Variants in DCC observed in about 807,000 individuals in gnomAD.
DCC encodes netrin receptor DCC.
In DCC, 58 loss-of-function variants were observed where a neutral mutation model predicts 172.5. The ratio of observed to expected loss-of-function variants is 0.34; its 90% CI spans 0.27 to 0.42. The LOEUF is 0.42. Ranked by LOEUF, DCC falls within the 10% of genes least tolerant of loss-of-function variation. DCC has a pLI of 1.00. For synonymous variants in DCC, 709 were observed against 644.5 expected (o/e 1.10, Z -1.52); for missense variants, 1,740 against 1,791.0 (o/e 0.97, Z 0.51).
At chr18:52,883,326 T>TTTTATTTA (rs1555677283) in intron 2 of DCC, among the ~76,000 whole-genome samples, 23 of 61,922 alleles carry the variant, frequency 3.7e-4, no homozygotes, top group African/African-American at 1.0e-3. Flanking sequence ...TTATTTTATT[T>TTTTATTTA]TTTATTTATT....
chr18:52,559,733 G>T (rs1347135864), intron 1 of DCC, among the ~76,000 whole-genome samples: 3 of 150,822 alleles, frequency 2.0e-5, no homozygotes, highest in Non-Finnish European at 4.4e-5. Context: ...CCCCAAATTT[G>T]ATTTATTTCC....
chr18:52,981,459 G>T (rs764887716), intron 5 of DCC, among the ~76,000 whole-genome samples: 1 of 151,990 alleles, frequency 6.6e-6, no homozygotes, highest in Non-Finnish European at 1.5e-5. Context: ...TGATGACAAT[G>T]AGTATCTTCT....
chr18:52,731,530 G>A (rs2036642341), intron 1 of DCC, among the ~76,000 whole-genome samples: 1 of 152,208 alleles, frequency 6.6e-6, no homozygotes, highest in African/African-American at 2.4e-5. Flanking sequence ...GGACAGGGAA[G>A]CCAAAGAGTA....
intron 2 of DCC, among the ~76,000 whole-genome samples, chr18:52,837,868 C>A (rs976793146): frequency 1.3e-5 from 2 of 152,170 alleles, no homozygotes; most frequent in Non-Finnish European, 2.9e-5. Context: ...CACAGTTCTG[C>A]AGGACTGGGG....
intron 7 of DCC, among the ~76,000 whole-genome samples, chr18:53,083,742 T>C (rs981008176): frequency 3.9e-5 from 6 of 152,268 alleles, no homozygotes; most frequent in African/African-American, 1.2e-4. Flanking sequence ...TGATTAAAAT[T>C]TGGGGGTTGT....
At chr18:52,896,471 C>T (rs2039731353) in intron 2 of DCC, among the ~76,000 whole-genome samples, 1 of 152,112 alleles carries the variant, frequency 6.6e-6, no homozygotes, top group Admixed American at 6.6e-5. Flanking sequence ...TATCTAGTAC[C>T]TTCTGTAAGA....
chr18:52,489,402 G>C (rs1053009672), intron 1 of DCC, among the ~76,000 whole-genome samples: 1 of 152,070 alleles, frequency 6.6e-6, no homozygotes, highest in Admixed American at 6.6e-5. Context: ...GTATGATTTT[G>C]ATAGTAAACC....
chr18:53,482,560 A>T (rs2145212626), intron 25 of DCC, among the ~76,000 whole-genome samples: 1 of 152,214 alleles, frequency 6.6e-6, no homozygotes, highest in East Asian at 1.9e-4. Flanking sequence ...TCCAAATCAG[A>T]AGATACGTAT....
intron 27 of DCC, among the ~76,000 whole-genome samples, chr18:53,511,895 G>A (rs1252439738): frequency 6.6e-6 from 1 of 152,126 alleles, no homozygotes; most frequent in Non-Finnish European, 1.5e-5. Context: ...GGGGAGGGGC[G>A]CCCGCCATTG....
chr18:52,480,509 C>T (rs2029915004), intron 1 of DCC, among the ~76,000 whole-genome samples: 1 of 152,120 alleles, frequency 6.6e-6, no homozygotes, highest in Admixed American at 6.5e-5. Context: ...ACAAGTGTCC[C>T]ACTGAGTTTG....
chr18:52,689,270 A>G lies in DCC; in HGVS notation c.92-62784A>G, dbSNP rs551452364. On this transcript the variant is annotated intron_variant, in intron 1 of 28. Transcript: ENST00000442544. Reference sequence around the variant, plus strand: ...TCATAATTAAGTGCTAATTTGCTGTAGAAATTCAGGGAAGCAGTAGGTTAT... The same window carrying G: ...TCATAATTAAGTGCTAATTTGCTGTGGAAATTCAGGGAAGCAGTAGGTTAT... Among the ~76,000 whole-genome samples the G allele has an allele frequency of 3.3e-5, 5 of 152,308 alleles. No homozygotes were observed. The South Asian group carries it at 1.0e-3, about 32-fold the overall frequency.
intron 2 of DCC, among the ~76,000 whole-genome samples, chr18:52,872,939 T>C (rs1444581488): frequency 6.6e-6 from 1 of 152,204 alleles, no homozygotes; most frequent in Non-Finnish European, 1.5e-5. Context: ...AAATAAGCTA[T>C]TACATTTTCA....
intron 1 of DCC, among the ~76,000 whole-genome samples, chr18:52,386,829 TC>T (rs1372002201): frequency 6.6e-6 from 1 of 152,088 alleles, no homozygotes; most frequent in Non-Finnish European, 1.5e-5. Flanking sequence ...ACAACATGTA[TC>T]ATATATCAAA....
At chr18:53,407,528 G>GATATATATATATATAT (rs74180422) in intron 19 of DCC, among the ~76,000 whole-genome samples, 2,448 of 116,998 alleles carry the variant, frequency 0.021, 33 homozygotes, top group East Asian at 0.036. Flanking sequence ...TTTTATTCTG[G>GATATATATATATATAT]ATATATATAT....
At chr18:52,753,345 T>G (rs1407181577) in intron 2 of DCC, among the ~76,000 whole-genome samples, 2 of 152,208 alleles carry the variant, frequency 1.3e-5, no homozygotes, top group Non-Finnish European at 2.9e-5. Flanking sequence ...AAAACAGTCA[T>G]AGGACCTCAA....
At chr18:53,120,810 A>T (rs1598822341) in intron 7 of DCC, among the ~76,000 whole-genome samples, 1 of 151,772 alleles carries the variant, frequency 6.6e-6, no homozygotes, top group African/African-American at 2.4e-5. Context: ...GAGAATGTTC[A>T]TGATAGAGAA....
intron 1 of DCC, among the ~76,000 whole-genome samples, chr18:52,425,748 T>C (rs1987403669): frequency 6.6e-6 from 1 of 152,108 alleles, no homozygotes; most frequent in Non-Finnish European, 1.5e-5. Flanking sequence ...AAAAGCAAAG[T>C]GTTTGGAGGC....
chr18:53,173,764 G>A (rs1194035797), intron 8 of DCC, among the ~76,000 whole-genome samples: 6 of 144,478 alleles, frequency 4.2e-5, no homozygotes, highest in African/African-American at 1.6e-4. Context: ...ACATTAGACA[G>A]ATCAACGAGA....
At chr18:53,226,579 C>G (rs2144604699) in intron 12 of DCC, among the ~76,000 whole-genome samples, 1 of 152,132 alleles carries the variant, frequency 6.6e-6, no homozygotes, top group African/African-American at 2.4e-5. Context: ...GTAATTCTGA[C>G]TTTTCTTCAA....
Sources: gnomAD v4.1 joint callset for allele counts (sites outside exome capture counted in the v4.1 genomes callset) on GRCh38, gnomAD v4.1.1 for gene constraint, MANE v1.5 for transcripts, NCBI Gene and HGNC (gene_info 2026-07-23, HGNC 2026-07-21) for gene names.